Variants in ADIPOR2 observed in about 807,000 individuals in gnomAD.
ADIPOR2 encodes the protein adiponectin receptor 2.
A neutral mutation model predicts 40.9 loss-of-function variants in ADIPOR2; 18 were observed. The ratio of observed to expected loss-of-function variants is 0.44; its 90% CI spans 0.30 to 0.65. The LOEUF is 0.65. ADIPOR2 is among the 30% of genes least tolerant of loss of function. The pLI is 0.09. For missense variants in ADIPOR2, 283 were observed against 479.2 expected, an observed-to-expected ratio of 0.59 and a Z score of 3.82; for synonymous variants, 165 against 166.4, an observed-to-expected ratio of 0.99 and a Z score of 0.06.
intron 1 of ADIPOR2, among the ~76,000 whole-genome samples, chr12:1,734,884 G>A (rs535428733): frequency 1.3e-5 from 2 of 152,034 alleles, no homozygotes; most frequent in Non-Finnish European, 2.9e-5. Context: ...TCTTGTTTTT[G>A]TCAGGTTTGT....
intron 2 of ADIPOR2, among the ~76,000 whole-genome samples, chr12:1,763,522 T>G (rs1457150134): frequency 6.6e-6 from 1 of 152,204 alleles, no homozygotes; most frequent in East Asian, 1.9e-4. Flanking sequence ...AGGTGTATAT[T>G]TGTGTCAAAA....
chr12:1,694,343 G>T (rs1287870152), intron 1 of ADIPOR2, among the ~76,000 whole-genome samples: 1 of 152,182 alleles, frequency 6.6e-6, no homozygotes, highest in Non-Finnish European at 1.5e-5. Flanking sequence ...TGTCTGTAGG[G>T]ACTGCTTCTA....
At chr12:1,748,074 T>TA (rs2094759738) in intron 1 of ADIPOR2, among the ~76,000 whole-genome samples, 1 of 152,132 alleles carries the variant, frequency 6.6e-6, no homozygotes, top group Non-Finnish European at 1.5e-5. Context: ...GTGTCCCACA[T>TA]AGCTCTAAGA....
At chr12:1,752,125 T>TG (rs2094770610) in intron 1 of ADIPOR2, among the ~76,000 whole-genome samples, 1 of 151,552 alleles carries the variant, frequency 6.6e-6, no homozygotes, top group South Asian at 2.1e-4. Context: ...AGTAGAGGGT[T>TG]TCACCATGTT....
In ADIPOR2 at chr12:1,786,125, C is replaced by T. The variant is rs977917933; in HGVS notation, c.*53C>T. 1.1e-5 allele frequency: 17 copies of T among 1,582,680 alleles called. No individual in the cohort carries two copies. The Admixed American group carries it at 1.1e-4, about 10-fold the overall frequency. ...CCTAAACCAGGGCCTGCGGCACTTG[C>T]GGGCCTCCCTGCTGGCTACTGATGC... On this transcript the variant is annotated 3_prime_UTR_variant, in exon 8 of 8. Transcript: ENST00000357103.
At chr12:1,716,631 G>A (rs937955615) in intron 1 of ADIPOR2, among the ~76,000 whole-genome samples, 3 of 152,094 alleles carry the variant, frequency 2.0e-5, no homozygotes, top group Non-Finnish European at 1.5e-5. Flanking sequence ...CACACTTCAC[G>A]CTTTCAGCAC....
At chr12:1,703,984 A>T (rs11061934) in intron 1 of ADIPOR2, among the ~76,000 whole-genome samples, 6,293 of 127,764 alleles carry the variant, frequency 0.049, 227 homozygotes, top group East Asian at 0.2. Flanking sequence ...AAGTGCTGGG[A>T]TTACAGATGT....
intron 2 of ADIPOR2, among the ~76,000 whole-genome samples, chr12:1,754,989 C>T (rs1386797918): frequency 8.5e-6 from 1 of 118,120 alleles, no homozygotes; most frequent in African/African-American, 2.6e-5. Context: ...GCTGGGATTA[C>T]AGGCATGAGT....
chr12:1,762,839 A>T (rs1440242015), intron 2 of ADIPOR2, among the ~76,000 whole-genome samples: 1 of 152,220 alleles, frequency 6.6e-6, no homozygotes, highest in Admixed American at 6.5e-5. Context: ...GGGATGATAT[A>T]CTTTTTCTCT....
At position 1,703,859 on chromosome 12, in the gene ADIPOR2, A is replaced by G. The variant is rs376363002; in HGVS notation, c.-87+12668A>G. ...CTCTGTAGTAGCTAAGACTAGAGGC[A>G]TGTGCCACCACACATGATTAATTTA... On this transcript the variant is annotated intron_variant, in intron 1 of 7. Coordinates refer to ENST00000357103, the MANE Select transcript of ADIPOR2 (RefSeq NM_024551.3). Among the ~76,000 whole-genome samples the G allele has an allele frequency of 5.3e-5, 8 of 152,110 alleles. No individual in the cohort carries two copies. In the East Asian group the frequency reaches 5.8e-4, roughly 11 times the overall value.
chr12:1,749,493 A>G (rs1306506287), intron 1 of ADIPOR2, among the ~76,000 whole-genome samples: 2 of 152,236 alleles, frequency 1.3e-5, no homozygotes, highest in Non-Finnish European at 2.9e-5. Flanking sequence ...AGACCAATAG[A>G]TATCATAGCA....
At chr12:1,693,803 G>T (rs146734748) in intron 1 of ADIPOR2, among the ~76,000 whole-genome samples, 3,193 of 152,202 alleles carry the variant, frequency 0.021, 53 homozygotes, top group Middle Eastern at 0.037. Context: ...AAAGTGCTGG[G>T]ATTACAGGTG....
intron 1 of ADIPOR2, among the ~76,000 whole-genome samples, chr12:1,727,628 C>T (rs1325849900): frequency 1.3e-5 from 2 of 152,106 alleles, no homozygotes; most frequent in East Asian, 1.9e-4. Context: ...ACCTGAGCCT[C>T]AGTGGATTCC....
chr12:1,743,106 C>T (rs773718686), intron 1 of ADIPOR2, among the ~76,000 whole-genome samples: 5 of 151,152 alleles, frequency 3.3e-5, no homozygotes, highest in Non-Finnish European at 7.4e-5. Flanking sequence ...TTATGAGTCT[C>T]GAGGGCCGGA....
intron 1 of ADIPOR2, among the ~76,000 whole-genome samples, chr12:1,718,980 T>A (rs1292589398): frequency 6.6e-6 from 1 of 152,242 alleles, no homozygotes; most frequent in Non-Finnish European, 1.5e-5. Context: ...TGCTGTTTGA[T>A]TCGAAATGAT....
At chr12:1,734,884 G>C (rs535428733) in intron 1 of ADIPOR2, among the ~76,000 whole-genome samples, 123 of 152,150 alleles carry the variant, frequency 8.1e-4, no homozygotes, top group African/African-American at 2.4e-3. Context: ...TCTTGTTTTT[G>C]TCAGGTTTGT....
intron 1 of ADIPOR2, among the ~76,000 whole-genome samples, chr12:1,710,630 G>A (rs1287688050): frequency 3.9e-5 from 6 of 152,044 alleles, no homozygotes; most frequent in East Asian, 1.9e-4. Context: ...AGTTGGGAGC[G>A]TTGGTTTGCC....
At chr12:1,773,988 T>C (rs1862538130) in intron 3 of ADIPOR2, among the ~76,000 whole-genome samples, 1 of 152,196 alleles carries the variant, frequency 6.6e-6, no homozygotes, top group African/African-American at 2.4e-5. Context: ...TTTAAACATT[T>C]ATGGGTCTGT....
chr12:1,724,135 C>T (rs764815671), intron 1 of ADIPOR2, among the ~76,000 whole-genome samples: 3 of 152,064 alleles, frequency 2.0e-5, no homozygotes, highest in South Asian at 4.1e-4. Flanking sequence ...GTGCCCGCCA[C>T]GACGCCCAGC....
Sources: gnomAD v4.1 joint callset for allele counts (sites outside exome capture counted in the v4.1 genomes callset) on GRCh38, gnomAD v4.1.1 for gene constraint, MANE v1.5 for transcripts, NCBI Gene and HGNC (gene_info 2026-07-23, HGNC 2026-07-21) for gene names.